Variants in ANKRD30B observed in about 807,000 individuals in gnomAD.
The protein encoded by ANKRD30B is ankyrin repeat domain-containing protein 30B.
A neutral mutation model predicts 202.2 loss-of-function variants in ANKRD30B; 144 were observed. That is an observed-to-expected ratio of 0.71 (90% confidence interval 0.62 to 0.82). ANKRD30B has a LOEUF of 0.82. Ranked by LOEUF, ANKRD30B falls within the 40% of genes least tolerant of loss-of-function variation. The pLI, the probability that ANKRD30B is intolerant of heterozygous loss-of-function variation, is 0.00. For synonymous variants in ANKRD30B, 508 were observed against 561.3 expected, an observed-to-expected ratio of 0.91 and a Z score of 1.34; for missense variants, 1,487 against 1,669.1, an observed-to-expected ratio of 0.89 and a Z score of 1.90.
the ANKRD30B span, among the ~76,000 whole-genome samples, chr18:14,931,915 C>T: frequency 7.8e-5 from 11 of 140,634 alleles, no homozygotes; most frequent in South Asian, 2.3e-4. Context: ...CCCACCCCAC[C>T]TCCCTCCTGC....
chr18:14,776,064 A>G (rs1475638787), intron 9 of ANKRD30B, among the ~76,000 whole-genome samples: 6 of 152,210 alleles, frequency 3.9e-5, no homozygotes, highest in Admixed American at 6.5e-5. Flanking sequence ...CAAGAATGGG[A>G]AGTAAGAACA....
chr18:14,859,869 T>G, the ANKRD30B span, among the ~76,000 whole-genome samples: 1 of 65,154 alleles, frequency 1.5e-5, no homozygotes, highest in African/African-American at 6.4e-5. Flanking sequence ...GCAGAGGCGC[T>G]CCTCAGTTCC....
chr18:14,857,521 A>T, downstream of ANKRD30B, among the ~76,000 whole-genome samples: 1 of 1,460 alleles, frequency 6.8e-4, no homozygotes, highest in African/African-American at 7.6e-4. Context: ...AGACGGGGAG[A>T]CCAGGAAGAG....
chr18:14,919,366 C>T, the ANKRD30B span, among the ~76,000 whole-genome samples: 5 of 152,236 alleles, frequency 3.3e-5, no homozygotes, highest in Admixed American at 6.5e-5. Flanking sequence ...TGACTGCCCT[C>T]TCCCAAACCA....
intron 14 of ANKRD30B, among the ~76,000 whole-genome samples, chr18:14,786,633 A>G (rs1358927469): frequency 6.6e-6 from 1 of 152,202 alleles, no homozygotes; most frequent in Admixed American, 6.5e-5. Context: ...AGAGCTGTGT[A>G]ATAGAGATTG....
At position 14,752,937 on chromosome 18, in the gene ANKRD30B, T is replaced by C. The variant is rs1555642013; in HGVS notation, c.435T>C (p.Tyr145=). 2.2e-5 allele frequency: 36 copies of C among 1,603,998 alleles called. No individual in the cohort carries two copies. The highest frequency in any genetic ancestry group is 3.0e-5 in the Non-Finnish European group (35 of 1,174,572). Residue 145 remains tyrosine (Y), a synonymous_variant, in exon 3 of 44, where the codon TAT becomes TAC. Coordinates refer to ENST00000690538, the MANE Select transcript of ANKRD30B (RefSeq NM_001367607.2). ...TGTATGGCAACACGGCTCTCCATTATGCCGTTTATAGTGAGAATTTGTTAA... is the reference window on the plus strand; with the variant it reads ...TGTATGGCAACACGGCTCTCCATTACGCCGTTTATAGTGAGAATTTGTTAA... ...VDVYGNTALH[Y]AVYSENLLMV...
the ANKRD30B span, among the ~76,000 whole-genome samples, chr18:14,904,488 C>T: frequency 6.6e-6 from 1 of 152,080 alleles, no homozygotes; most frequent in Non-Finnish European, 1.5e-5. Context: ...TCTTCTTTCC[C>T]TCTCTTCCTC....
intron 12 of ANKRD30B, among the ~76,000 whole-genome samples, chr18:14,783,126 T>C (rs1324554075): frequency 6.6e-6 from 1 of 152,132 alleles, no homozygotes; most frequent in Non-Finnish European, 1.5e-5. Flanking sequence ...TGGAATTATC[T>C]GAGCATGCAG....
chr18:14,751,726 ATCTTG>A (rs1327404265), intron 1 of ANKRD30B, among the ~76,000 whole-genome samples: 2 of 152,146 alleles, frequency 1.3e-5, no homozygotes, highest in Non-Finnish European at 2.9e-5. Context: ...AGTTTTTAAA[ATCTTG>A]AGGAAGTAGT....
At chr18:14,792,355 T>C (rs1417872066) in intron 16 of ANKRD30B, among the ~76,000 whole-genome samples, 1 of 152,080 alleles carries the variant, frequency 6.6e-6, no homozygotes, top group East Asian at 1.9e-4. Flanking sequence ...TTTTTGAGTA[T>C]GTTTTTAGTT....
the ANKRD30B span, among the ~76,000 whole-genome samples, chr18:14,916,063 C>T: frequency 6.6e-6 from 1 of 152,170 alleles, no homozygotes. Context: ...TTCTTGGAAT[C>T]AATGCCTATG....
chr18:14,904,975 C>T, the ANKRD30B span, among the ~76,000 whole-genome samples: 1 of 152,136 alleles, frequency 6.6e-6, no homozygotes, highest in Non-Finnish European at 1.5e-5. Flanking sequence ...TCATGCAGAC[C>T]TTGCTGATAA....
At chr18:14,885,427 T>A in the ANKRD30B span, among the ~76,000 whole-genome samples, 1 of 152,050 alleles carries the variant, frequency 6.6e-6, no homozygotes, top group Non-Finnish European at 1.5e-5. Context: ...CAACCACTAA[T>A]ACATTATGGA....
At chr18:14,875,012 A>G in the ANKRD30B span, among the ~76,000 whole-genome samples, 1 of 152,276 alleles carries the variant, frequency 6.6e-6, no homozygotes, top group East Asian at 1.9e-4. Context: ...CAATGACCAA[A>G]TCAACAGTGA....
the ANKRD30B span, among the ~76,000 whole-genome samples, chr18:14,892,605 T>G: frequency 6.6e-6 from 1 of 151,874 alleles, no homozygotes; most frequent in East Asian, 1.9e-4. Flanking sequence ...CCGGGTGTGG[T>G]GGTGGGTGCC....
At chr18:14,796,614 G>C (rs1176862917) in intron 18 of ANKRD30B, among the ~76,000 whole-genome samples, 199 bp downstream of exon 18, 2 of 152,104 alleles carry the variant, frequency 1.3e-5, no homozygotes, top group Non-Finnish European at 2.9e-5. Flanking sequence ...AAAAAATTCA[G>C]CTTTGCCTCA....
intron 7 of ANKRD30B, among the ~76,000 whole-genome samples, chr18:14,765,052 T>G (rs1016592503): frequency 3.9e-5 from 6 of 152,258 alleles, no homozygotes; most frequent in African/African-American, 1.4e-4. Flanking sequence ...TCTGCAGGGA[T>G]TCATTGGAAA....
rs773007834 is a variant in ANKRD30B, at chr18:14,799,268, T to C, written c.2104T>C (p.Leu702=). ...TTCTCTTCCAAATAAAGCTTTAGAATTGAAGGACAGAGAAACATTCAAAGC... is the reference window on the plus strand; with the variant it reads ...TTCTCTTCCAAATAAAGCTTTAGAACTGAAGGACAGAGAAACATTCAAAGC... The part of the protein sequence containing the change: ...KVSLPNKALE[L]KDRETFKAAQ... Residue 702 remains leucine (L), a synonymous_variant, in exon 22 of 44, where the codon TTG becomes CTG. Transcript: ENST00000690538. The C allele has an allele frequency of 1.3e-6, 2 of 1,548,432 alleles. No individual in the cohort carries two copies. Among genetic ancestry groups the C allele is most frequent in the South Asian group, 2.4e-5 (2 of 83,062 alleles).
At chr18:14,756,711 TG>T (rs1336812060) in intron 4 of ANKRD30B, among the ~76,000 whole-genome samples, 1 of 152,194 alleles carries the variant, frequency 6.6e-6, no homozygotes, top group African/African-American at 2.4e-5. Flanking sequence ...CTAGCCAATA[TG>T]GTAAAACCGC....
Sources: allele counts gnomAD v4.1 joint callset (sites outside exome capture counted in the v4.1 genomes callset), GRCh38; gene constraint gnomAD v4.1.1; transcripts MANE v1.5; gene names NCBI Gene and HGNC (gene_info 2026-07-23, HGNC 2026-07-21).